CNTN5: variants seen among roughly 807,000 people sequenced by gnomAD.
CNTN5 encodes the protein contactin-5.
In CNTN5, 77 loss-of-function variants were observed where a neutral mutation model predicts 129.1. That is an observed-to-expected ratio of 0.60 (90% confidence interval 0.50 to 0.72). The LOEUF (loss-of-function observed/expected upper bound fraction) is 0.72, where lower values mean the gene tolerates loss of function less well. CNTN5 is among the 30% of genes least tolerant of loss of function. The pLI, the probability that CNTN5 is intolerant of heterozygous loss-of-function variation, is 0.00. For synonymous variants in CNTN5, 509 were observed against 465.6 expected (o/e 1.09, Z -1.20); for missense variants, 1,478 against 1,328.8 (o/e 1.11, Z -1.75).
intron 1 of CNTN5, among the ~76,000 whole-genome samples, chr11:99,235,572 A>G (rs1205944261): frequency 6.6e-6 from 1 of 152,186 alleles, no homozygotes; most frequent in African/African-American, 2.4e-5. Context: ...TAATATCCTT[A>G]CAATAGGTAT....
chr11:100,254,923 C>A (rs974095217), intron 16 of CNTN5, among the ~76,000 whole-genome samples: 6 of 152,096 alleles, frequency 3.9e-5, no homozygotes, highest in African/African-American at 4.8e-5. Context: ...AATATAAATA[C>A]CTGTGCATTT....
chr11:99,626,744 T>C (rs1951147583), intron 3 of CNTN5, among the ~76,000 whole-genome samples: 1 of 152,160 alleles, frequency 6.6e-6, no homozygotes, highest in Non-Finnish European at 1.5e-5. Flanking sequence ...GAACATACTG[T>C]GTATTTCAAA....
At chr11:99,374,791 A>G (rs1308664444) in intron 2 of CNTN5, among the ~76,000 whole-genome samples, 1 of 152,226 alleles carries the variant, frequency 6.6e-6, no homozygotes, top group African/African-American at 2.4e-5. Context: ...CTCCAGACTT[A>G]GATCATCATG....
chr11:99,303,720 G>T (rs747756340), intron 1 of CNTN5, among the ~76,000 whole-genome samples: 1 of 151,942 alleles, frequency 6.6e-6, no homozygotes, highest in South Asian at 2.1e-4. Context: ...TTCTCACTCT[G>T]GGGGTGAGCC....
chr11:99,779,556 A>G (rs1945241566), intron 3 of CNTN5, among the ~76,000 whole-genome samples: 1 of 151,930 alleles, frequency 6.6e-6, no homozygotes, highest in African/African-American at 2.4e-5. Context: ...GAGGTTTCTT[A>G]CTTGTTTTCT....
intron 7 of CNTN5, among the ~76,000 whole-genome samples, chr11:99,926,641 C>G (rs930936914): frequency 2.0e-5 from 3 of 152,040 alleles, no homozygotes; most frequent in Admixed American, 6.5e-5. Context: ...CATGATACTC[C>G]TTGCTTCAAA....
intron 1 of CNTN5, among the ~76,000 whole-genome samples, chr11:99,168,086 G>A (rs1315978358): frequency 6.6e-6 from 1 of 151,954 alleles, no homozygotes; most frequent in Non-Finnish European, 1.5e-5. Context: ...AGGACTACAA[G>A]CACACACCAC....
chr11:100,117,145 T>A (rs1838449745), intron 13 of CNTN5, among the ~76,000 whole-genome samples: 1 of 152,038 alleles, frequency 6.6e-6, no homozygotes, highest in Non-Finnish European at 1.5e-5. Context: ...ACCTACTGTC[T>A]TCTGAAAAGG....
chr11:99,998,975 C>T (rs1239839334), intron 8 of CNTN5, among the ~76,000 whole-genome samples: 9 of 150,226 alleles, frequency 6.0e-5, no homozygotes, highest in African/African-American at 1.9e-4. Context: ...GAAACTGGAT[C>T]CCTTCCTTAC....
rs560462505 is a variant in CNTN5 at position 99,829,412 on chromosome 11, TAATC to T, written c.277+9650_277+9653del. Among the ~76,000 whole-genome samples the T allele has an allele frequency of 4.7e-4, 71 of 152,228 alleles. 2 individuals carry two copies. In the South Asian group the frequency reaches 0.015, roughly 31 times the overall value. On this transcript the variant is annotated intron_variant, in intron 4 of 24. Transcript: ENST00000524871. ...CATCCCCAGGCTTTATGTTTGAAAA[TAATC>T]AAGAAAGGCACAGTAGTCAGTCACT...
At chr11:100,321,978 G>T (rs1477978206) in intron 21 of CNTN5, among the ~76,000 whole-genome samples, 1 of 152,088 alleles carries the variant, frequency 6.6e-6, no homozygotes, top group East Asian at 1.9e-4. Flanking sequence ...TATTAATCAG[G>T]GATATTGGCA....
At chr11:99,174,391 T>C (rs1339425281) in intron 1 of CNTN5, among the ~76,000 whole-genome samples, 2 of 152,202 alleles carry the variant, frequency 1.3e-5, no homozygotes, top group Non-Finnish European at 2.9e-5. Flanking sequence ...ATAAAGACTA[T>C]TATAAGATAA....
At chr11:99,803,473 A>T (rs1946175353) in intron 3 of CNTN5, among the ~76,000 whole-genome samples, 2 of 152,238 alleles carry the variant, frequency 1.3e-5, no homozygotes, top group Non-Finnish European at 1.5e-5. Context: ...CTGTGCAGCC[A>T]CACTGCTGGG....
At chr11:99,625,729 G>A (rs1381775853) in intron 3 of CNTN5, among the ~76,000 whole-genome samples, 1 of 151,828 alleles carries the variant, frequency 6.6e-6, no homozygotes, top group African/African-American at 2.4e-5. Context: ...CTTTTCTTCA[G>A]GTGAGGTAAT....
At chr11:99,637,838 T>G (rs1259220637) in intron 3 of CNTN5, among the ~76,000 whole-genome samples, 3 of 152,050 alleles carry the variant, frequency 2.0e-5, no homozygotes, top group Non-Finnish European at 4.4e-5. Flanking sequence ...CCATTTTATA[T>G]TCATAGCTCT....
At chr11:99,701,494 A>G (rs80262067) in intron 3 of CNTN5, among the ~76,000 whole-genome samples, 4,101 of 151,226 alleles carry the variant, frequency 0.027, 180 homozygotes, top group African/African-American at 0.093. Context: ...TCAAAGTGAT[A>G]TAAATATTAG....
At chr11:100,183,069 C>G (rs1426517239) in intron 13 of CNTN5, among the ~76,000 whole-genome samples, 1 of 152,098 alleles carries the variant, frequency 6.6e-6, no homozygotes, top group Admixed American at 6.6e-5. Flanking sequence ...ATGGATTCTA[C>G]TACCTACTTG....
chr11:100,097,097 C>T (rs920799351), intron 13 of CNTN5, among the ~76,000 whole-genome samples: 2 of 152,046 alleles, frequency 1.3e-5, no homozygotes, highest in Admixed American at 1.3e-4. Flanking sequence ...TTCCATTAAC[C>T]GTTGAGATAT....
intron 2 of CNTN5, among the ~76,000 whole-genome samples, chr11:99,326,679 C>A (rs1418760484): frequency 6.6e-6 from 1 of 152,016 alleles, no homozygotes; most frequent in Non-Finnish European, 1.5e-5. Context: ...TGATTGCAGG[C>A]CCTAACTGTA....
Sources: gnomAD v4.1 joint callset for allele counts (sites outside exome capture counted in the v4.1 genomes callset) on GRCh38, gnomAD v4.1.1 for gene constraint, MANE v1.5 for transcripts, NCBI Gene and HGNC (gene_info 2026-07-23, HGNC 2026-07-21) for gene names.